STPG2: variants seen among roughly 807,000 people sequenced by gnomAD.
The protein encoded by STPG2 is sperm-tail PG-rich repeat-containing protein 2.
STPG2 carries 56 observed loss-of-function variants against 54.2 expected under a neutral mutation model. The ratio of observed to expected loss-of-function variants is 1.03; its 90% CI spans 0.83 to 1.29. The LOEUF (loss-of-function observed/expected upper bound fraction) is 1.29, where lower values mean the gene tolerates loss of function less well. Ranked by LOEUF, STPG2 falls within the 50% of genes most tolerant of loss-of-function variation. The probability of loss-of-function intolerance (pLI) is 0.00; values close to 1 mark genes in which losing one functional copy is unlikely to be tolerated. For missense variants in STPG2, 596 were observed against 544.9 expected, an observed-to-expected ratio of 1.09 and a Z score of -0.93; for synonymous variants, 200 against 181.8, an observed-to-expected ratio of 1.10 and a Z score of -0.81.
At chr4:98,000,909 T>C (rs1735392900) in intron 5 of STPG2, among the ~76,000 whole-genome samples, 1 of 152,128 alleles carries the variant, frequency 6.6e-6, no homozygotes, top group Non-Finnish European at 1.5e-5. Context: ...AGCTTTTCCA[T>C]ATAAATTTAG....
intron 4 of STPG2, among the ~76,000 whole-genome samples, chr4:97,470,881 C>T (rs1043581881): frequency 1.4e-4 from 22 of 152,038 alleles, no homozygotes; most frequent in Non-Finnish European, 2.4e-4. Flanking sequence ...ATAGGCATTG[C>T]GCTGTAGCAT....
At chr4:97,559,800 C>T (rs926559145) in intron 10 of STPG2, among the ~76,000 whole-genome samples, 1 of 152,186 alleles carries the variant, frequency 6.6e-6, no homozygotes, top group Non-Finnish European at 1.5e-5. Flanking sequence ...ATTTCCAATT[C>T]CTAATGTCCT....
intron 10 of STPG2, among the ~76,000 whole-genome samples, chr4:97,681,618 C>T (rs1031543679): frequency 6.6e-6 from 1 of 151,774 alleles, no homozygotes; most frequent in Non-Finnish European, 1.5e-5. Context: ...GTATAAGCAA[C>T]TCAACATTTT....
At chr4:97,874,493 C>T (rs1730105084) in intron 8 of STPG2, among the ~76,000 whole-genome samples, 1 of 151,728 alleles carries the variant, frequency 6.6e-6, no homozygotes, top group South Asian at 2.1e-4. Context: ...TAAAAGTTTC[C>T]TTATGTTCCT....
chr4:97,750,996 G>A (rs1170743892), intron 9 of STPG2, among the ~76,000 whole-genome samples: 1 of 151,842 alleles, frequency 6.6e-6, no homozygotes, highest in Non-Finnish European at 1.5e-5. Context: ...AATTCTCACA[G>A]AAAGTGTCAT....
intron 4 of STPG2, among the ~76,000 whole-genome samples, chr4:97,551,928 A>G (rs1043679583): frequency 1.3e-5 from 2 of 152,168 alleles, no homozygotes; most frequent in African/African-American, 4.8e-5. Flanking sequence ...GCAAAATTCA[A>G]TGAGGATAAA....
At chr4:97,677,176 C>T (rs1011459239) in intron 10 of STPG2, among the ~76,000 whole-genome samples, 1 of 152,034 alleles carries the variant, frequency 6.6e-6, no homozygotes, top group Non-Finnish European at 1.5e-5. Flanking sequence ...GCTCATAAAC[C>T]ATAAAATGTT....
At chr4:97,722,854 G>C (rs1410891537) in intron 9 of STPG2, among the ~76,000 whole-genome samples, 1 of 146,716 alleles carries the variant, frequency 6.8e-6, no homozygotes, top group African/African-American at 2.6e-5. Flanking sequence ...CTGGAGTGCA[G>C]TGGTGCGATC....
chr4:97,677,044 T>A (rs967924015), intron 10 of STPG2, among the ~76,000 whole-genome samples: 2 of 152,190 alleles, frequency 1.3e-5, no homozygotes, highest in African/African-American at 4.8e-5. Context: ...TAGTTTTTAC[T>A]TTTTGTTTTT....
At chr4:97,692,459 A>C (rs754900112) in intron 10 of STPG2, among the ~76,000 whole-genome samples, 1 of 152,150 alleles carries the variant, frequency 6.6e-6, no homozygotes, top group Admixed American at 6.5e-5. Flanking sequence ...ATATTCAAAG[A>C]CAAGGCTTTC....
At chr4:97,818,291 A>G (rs138539489) in intron 9 of STPG2, among the ~76,000 whole-genome samples, 2,749 of 152,030 alleles carry the variant, frequency 0.018, 29 homozygotes, top group Non-Finnish European at 0.027. Flanking sequence ...GAAATCAAGG[A>G]TAGTATCGAA....
intron 4 of STPG2, among the ~76,000 whole-genome samples, chr4:97,449,850 C>A (rs1203924045): frequency 6.6e-6 from 1 of 152,120 alleles, no homozygotes; most frequent in African/African-American, 2.4e-5. Context: ...ACAGCCAGGG[C>A]AATCCACATA....
intron 10 of STPG2, among the ~76,000 whole-genome samples, chr4:97,705,487 G>C (rs1723913251): frequency 6.6e-6 from 1 of 151,888 alleles, no homozygotes; most frequent in African/African-American, 2.4e-5. Flanking sequence ...CACCACACCT[G>C]GCTAATTTTT....
At chr4:97,732,436 A>C (rs1469920746) in intron 9 of STPG2, among the ~76,000 whole-genome samples, 2 of 152,160 alleles carry the variant, frequency 1.3e-5, no homozygotes, top group Non-Finnish European at 2.9e-5. Context: ...CCATTTATTA[A>C]ATAGGGTGTC....
chr4:97,807,540 A>G (rs1325344369), intron 9 of STPG2, among the ~76,000 whole-genome samples: 1 of 152,012 alleles, frequency 6.6e-6, no homozygotes, highest in Admixed American at 6.6e-5. Flanking sequence ...AACTTAATGC[A>G]TTATTCAAAC....
chr4:98,130,932 A>C (rs1481931567), intron 2 of STPG2, among the ~76,000 whole-genome samples: 5 of 141,912 alleles, frequency 3.5e-5, no homozygotes, highest in African/African-American at 7.9e-5. Context: ...AAAAAAAAAA[A>C]AAAAAAACAA....
At chr4:97,930,252 T>C (rs1044543553) in intron 8 of STPG2, among the ~76,000 whole-genome samples, 2 of 152,204 alleles carry the variant, frequency 1.3e-5, no homozygotes, top group African/African-American at 4.8e-5. Context: ...AATCTTTACC[T>C]GTTCTTATGT....
chr4:97,484,930 AC>A (rs1730316224), intron 4 of STPG2, among the ~76,000 whole-genome samples: 1 of 151,980 alleles, frequency 6.6e-6, no homozygotes, highest in Non-Finnish European at 1.5e-5. Context: ...AATGTGATAC[AC>A]CACATAAACA....
At chr4:98,083,845 G>A (rs1222078624) in intron 5 of STPG2, among the ~76,000 whole-genome samples, 1 of 152,086 alleles carries the variant, frequency 6.6e-6, no homozygotes, top group Non-Finnish European at 1.5e-5. Context: ...TTCTTCCACA[G>A]CTAATCTATT....
Sources: gnomAD v4.1 joint callset for allele counts (sites outside exome capture counted in the v4.1 genomes callset) on GRCh38, gnomAD v4.1.1 for gene constraint, MANE v1.5 for transcripts, NCBI Gene and HGNC (gene_info 2026-07-23, HGNC 2026-07-21) for gene names.